KIFAP3: variants seen among roughly 807,000 people sequenced by gnomAD.
KIFAP3 encodes the protein kinesin associated protein 3.
In KIFAP3, 68 loss-of-function variants were observed where a neutral mutation model predicts 106.5. The ratio of observed to expected loss-of-function variants is 0.64; its 90% confidence interval spans 0.53 to 0.78. The LOEUF is 0.78. Among genes scored for constraint, KIFAP3 ranks in the 30% least tolerant of loss-of-function variants. KIFAP3 has a pLI of 0.00. For synonymous variants in KIFAP3, 320 were observed against 311.5 expected, an observed-to-expected ratio of 1.03 and a Z score of -0.29; for missense variants, 780 against 941.8, an observed-to-expected ratio of 0.83 and a Z score of 2.25.
In KIFAP3 at chr1:170,016,490, T is replaced by A; in HGVS notation, c.1155A>T (p.Gly385=). The change falls in exon 10 of 20, where the codon GGA becomes GGT. Residue 385 remains glycine (G), a synonymous_variant. Transcript: ENST00000361580. ...TGLRNKMVQV[G]LLPKLTALLG... is the part of the protein sequence containing the mutation. ...GGAGTGCAGTGAGCTTGGGAAGCAG[T>A]CCAACTTGTACCATCTTATTCCTCA... 1 of 1,606,932 alleles carries A rather than the reference T, an allele frequency of 6.2e-7. No individual in the cohort carries two copies. The highest frequency in any genetic ancestry group is 8.5e-7 in the Non-Finnish European group (1 of 1,177,250).
intron 17 of KIFAP3, among the ~76,000 whole-genome samples, chr1:169,971,462 C>T (rs1204795869): frequency 6.6e-6 from 1 of 151,998 alleles, no homozygotes; most frequent in Non-Finnish European, 1.5e-5. Flanking sequence ...TGTACAGTTT[C>T]TCTATTCTGA....
At chr1:170,019,945 TGAGA>T (rs776076806) in intron 9 of KIFAP3, among the ~76,000 whole-genome samples, 1 of 152,164 alleles carries the variant, frequency 6.6e-6, no homozygotes, top group African/African-American at 2.4e-5. Flanking sequence ...CCAAAATCTG[TGAGA>T]GAGTCAGTAC....
chr1:169,987,731 C>T (rs539482436), intron 11 of KIFAP3, among the ~76,000 whole-genome samples: 1 of 152,174 alleles, frequency 6.6e-6, no homozygotes, highest in South Asian at 2.1e-4. Flanking sequence ...GATTCTTGCA[C>T]ACTGTTCTAG....
intron 10 of KIFAP3, among the ~76,000 whole-genome samples, chr1:170,014,293 T>C (rs1001567892): frequency 6.6e-6 from 1 of 152,220 alleles, no homozygotes; most frequent in African/African-American, 2.4e-5. Flanking sequence ...TTAAACTTCA[T>C]AATACCACTT....
At chr1:169,994,483 T>C (rs962993435) in intron 10 of KIFAP3, among the ~76,000 whole-genome samples, 2 of 152,180 alleles carry the variant, frequency 1.3e-5, no homozygotes, top group African/African-American at 4.8e-5. Context: ...GGTTTTAGAT[T>C]TTGCATCTTG....
intron 1 of KIFAP3, among the ~76,000 whole-genome samples, chr1:170,066,103 AC>A (rs1671429749): frequency 1.4e-5 from 2 of 146,922 alleles, no homozygotes; most frequent in African/African-American, 5.0e-5. Context: ...TGTTTTAGTT[AC>A]CTTTTTTTTT....
At chr1:170,042,219 T>C (rs1670018260) in intron 3 of KIFAP3, among the ~76,000 whole-genome samples, 1 of 152,208 alleles carries the variant, frequency 6.6e-6, no homozygotes, top group Admixed American at 6.5e-5. Context: ...CCTTGGATTG[T>C]ATCTTGCAAA....
intron 10 of KIFAP3, among the ~76,000 whole-genome samples, chr1:170,001,642 T>A (rs1667674165): frequency 6.6e-6 from 1 of 152,022 alleles, no homozygotes; most frequent in South Asian, 2.1e-4. Flanking sequence ...CTATGAGGAG[T>A]TGTGTTCTGA....
intron 19 of KIFAP3, among the ~76,000 whole-genome samples, chr1:169,930,188 A>G (rs143946969): frequency 8.5e-5 from 13 of 152,054 alleles, no homozygotes; most frequent in African/African-American, 2.9e-4. Flanking sequence ...CCTTTTTATT[A>G]ATTTACTTTT....
intron 15 of KIFAP3, among the ~76,000 whole-genome samples, chr1:169,981,727 C>A (rs1210089599): frequency 1.3e-5 from 2 of 152,114 alleles, no homozygotes. Context: ...GAGAGTACTT[C>A]TGTAAAATTG....
rs1353547622 is a variant in KIFAP3, at chr1:170,074,424, G to A, written c.32+12C>T. The stretch of plus-strand genomic sequence containing the variant: ...GCAAGGAGGGTAGGACAGAGCCTTG[G>A]GGAGTCGTCACCTTTTGAGGTATCT... On this transcript the variant is annotated intron_variant, in intron 1 of 19. Transcript: ENST00000361580. The A allele has an allele frequency of 2.5e-6, 4 of 1,613,788 alleles. No individual in the cohort carries two copies. The African/African-American group carries it at 4.0e-5, about 16-fold the overall frequency.
At chr1:169,979,692 C>T (rs1458909955) in intron 15 of KIFAP3, among the ~76,000 whole-genome samples, 1 of 152,152 alleles carries the variant, frequency 6.6e-6, no homozygotes, top group Admixed American at 6.5e-5. Flanking sequence ...GAATGAAAAC[C>T]AGCAGAACTA....
chr1:169,965,822 AAGTCCAAAC>A (rs1665582591), intron 17 of KIFAP3, among the ~76,000 whole-genome samples: 1 of 151,320 alleles, frequency 6.6e-6, no homozygotes, highest in Non-Finnish European at 1.5e-5. Flanking sequence ...TATTTGACAA[AAGTCCAAAC>A]ACACAAACCA....
At chr1:170,022,570 G>C (rs1266153307) in intron 9 of KIFAP3, among the ~76,000 whole-genome samples, 1 of 152,050 alleles carries the variant, frequency 6.6e-6, no homozygotes, top group Non-Finnish European at 1.5e-5. Flanking sequence ...CTGTGAAATT[G>C]GGAGGCTAGA....
At chr1:169,940,619 G>A (rs986604884) in intron 19 of KIFAP3, among the ~76,000 whole-genome samples, 5 of 152,118 alleles carry the variant, frequency 3.3e-5, no homozygotes, top group African/African-American at 9.7e-5. Flanking sequence ...ATCTAATGCC[G>A]CTGCTCATGC....
At chr1:170,043,335 A>C (rs1313253817) in intron 3 of KIFAP3, among the ~76,000 whole-genome samples, 8 of 152,196 alleles carry the variant, frequency 5.3e-5, no homozygotes, top group Non-Finnish European at 1.5e-5. Flanking sequence ...GATCCAGAAA[A>C]ACAGGACATT....
At chr1:170,032,946 GTTC>G (rs1398798202) in intron 7 of KIFAP3, among the ~76,000 whole-genome samples, 1 of 151,692 alleles carries the variant, frequency 6.6e-6, no homozygotes, top group Admixed American at 6.6e-5. Flanking sequence ...TAAGATATCA[GTTC>G]TTGTCACCAA....
chr1:170,020,836 C>T (rs890906381), intron 9 of KIFAP3, among the ~76,000 whole-genome samples: 3 of 152,040 alleles, frequency 2.0e-5, no homozygotes, highest in Admixed American at 2.0e-4. Context: ...GTACCATATA[C>T]AAAATTAACT....
At chr1:169,949,724 G>A (rs10919272) in intron 19 of KIFAP3, among the ~76,000 whole-genome samples, 23,340 of 151,970 alleles carry the variant, frequency 0.15, 1,881 homozygotes, top group Middle Eastern at 0.2. Flanking sequence ...TTCAGATTTT[G>A]GGAGGGGAAG....
Sources: gnomAD v4.1 joint callset for allele counts (sites outside exome capture counted in the v4.1 genomes callset) on GRCh38, gnomAD v4.1.1 for gene constraint, MANE v1.5 for transcripts, NCBI Gene and HGNC (gene_info 2026-07-23, HGNC 2026-07-21) for gene names.